PREX2: variants seen among roughly 807,000 people sequenced by gnomAD.
PREX2 encodes phosphatidylinositol-3,4,5-trisphosphate dependent Rac exchange factor 2.
A neutral mutation model predicts 203.2 loss-of-function variants in PREX2; 107 were observed. That is an observed-to-expected ratio of 0.53 (90% CI 0.45 to 0.62). The LOEUF is 0.62. Among genes scored for constraint, PREX2 ranks in the 20% least tolerant of loss-of-function variants. The pLI is 0.00. For missense variants in PREX2, 1,777 were observed against 1,955.9 expected (o/e 0.91, Z 1.72); for synonymous variants, 672 against 663.6 (o/e 1.01, Z -0.19).
At chr8:68,032,507 C>T (rs982327033) in intron 6 of PREX2, among the ~76,000 whole-genome samples, 8 of 152,118 alleles carry the variant, frequency 5.3e-5, no homozygotes, top group African/African-American at 1.9e-4. Flanking sequence ...GAGCAGGGCC[C>T]AGTCAGTGGG....
chr8:68,009,494 G>T (rs1489241324), intron 1 of PREX2, among the ~76,000 whole-genome samples: 2 of 152,008 alleles, frequency 1.3e-5, no homozygotes, highest in African/African-American at 2.4e-5. Flanking sequence ...TAAAAATAAG[G>T]CAATTTAATA....
Position 68,228,765 on chromosome 8 carries a change from C to CTAAATAAA in PREX2, c.4776-2536_4776-2529dup, listed in dbSNP as rs59480721. ...TGGACGACAGAGCGAGACTCCGTCT[C>CTAAATAAA]TAAATAAATAAATAAATAAATAAAT... On this transcript the variant is annotated intron_variant, in intron 39 of 39. Coordinates refer to ENST00000288368, the MANE Select transcript of PREX2 (RefSeq NM_024870.4). 2.6e-3 allele frequency among the ~76,000 whole-genome samples: 359 copies of CTAAATAAA among 140,670 alleles called. 1 individual carries two copies. The highest frequency in any genetic ancestry group is 3.2e-3 in the Non-Finnish European group (207 of 65,490). 92.3% of individuals were successfully genotyped at this position (140,670 alleles called of 152,430 possible).
intron 1 of PREX2, among the ~76,000 whole-genome samples, chr8:67,970,435 A>G (rs1805894693): frequency 6.6e-6 from 1 of 152,232 alleles, no homozygotes; most frequent in South Asian, 2.1e-4. Context: ...TATGCCAGCA[A>G]AAATAACCAT....
intron 37 of PREX2, among the ~76,000 whole-genome samples, chr8:68,216,437 T>C (rs139975480): frequency 6.6e-6 from 1 of 152,256 alleles, no homozygotes; most frequent in Non-Finnish European, 1.5e-5. Context: ...AATACAAATA[T>C]GTTGGAAAAA....
At chr8:68,053,769 A>G (rs7017137) in intron 9 of PREX2, among the ~76,000 whole-genome samples, 87,337 of 152,028 alleles carry the variant, frequency 0.57, 26,567 homozygotes, top group African/African-American at 0.78. Context: ...CAAACTTTTA[A>G]AAATTGTTAG....
At position 68,017,920 on chromosome 8, in the gene PREX2, G is replaced by A; in HGVS notation, c.213+3G>A. 2 of 1,609,430 alleles carry A rather than the reference G, an allele frequency of 1.2e-6. No individual in the cohort carries two copies. Among genetic ancestry groups the A allele is most frequent in the Non-Finnish European group, 1.7e-6 (2 of 1,177,070 alleles). On this transcript the variant is annotated splice_donor_region_variant and intron_variant, in intron 2 of 39. Transcript: ENST00000288368. ...ATGTGACAGAAGAAACAGTGAAGGTGAGGAGGTACAACTGGCCTTCAACCT... is the reference window on the plus strand; with the variant it reads ...ATGTGACAGAAGAAACAGTGAAGGTAAGGAGGTACAACTGGCCTTCAACCT...
intron 35 of PREX2, among the ~76,000 whole-genome samples, chr8:68,164,707 C>T (rs998567867): frequency 1.3e-5 from 2 of 151,434 alleles, no homozygotes; most frequent in African/African-American, 2.4e-5. Flanking sequence ...CTCAGCCTCC[C>T]GAGTAGCTGG....
intron 34 of PREX2, among the ~76,000 whole-genome samples, chr8:68,152,911 CT>C (rs1391164058): frequency 6.6e-6 from 1 of 152,210 alleles, no homozygotes; most frequent in Non-Finnish European, 1.5e-5. Flanking sequence ...TTTAGCTTCA[CT>C]TTCCTGTGGT....
intron 23 of PREX2, chr8:68,100,119 T>C (rs1234285367): frequency 5.3e-6 from 3 of 570,002 alleles, no homozygotes; most frequent in Non-Finnish European, 1.0e-5. Context: ...AAGATAGAGC[T>C]GGGCATTGAG....
At chr8:68,090,775 T>A in intron 20 of PREX2, 60 bp downstream of exon 20, 3 of 505,142 alleles carry the variant, frequency 5.9e-6, no homozygotes, top group Admixed American at 7.7e-5. Context: ...ACCTAAGGGG[T>A]TGAGGTGGGA....
intron 1 of PREX2, among the ~76,000 whole-genome samples, chr8:67,996,585 G>T: frequency 6.6e-6 from 1 of 151,956 alleles, no homozygotes; most frequent in East Asian, 1.9e-4. Context: ...CCCTGTCTTT[G>T]GCTCACCTAT....
intron 11 of PREX2, among the ~76,000 whole-genome samples, chr8:68,068,037 C>CA (rs1247925773): frequency 5.3e-5 from 8 of 151,916 alleles, no homozygotes; most frequent in African/African-American, 1.9e-4. Flanking sequence ...TGTGTTGAAC[C>CA]ACCCTTAGTT....
In PREX2 at chr8:68,147,461, G is replaced by C. The variant is rs185050358; in HGVS notation, c.4231+1109G>C. On this transcript the variant is annotated intron_variant, in intron 34 of 39. Transcript: ENST00000288368. ...TTGTGATAGTGAATAAGTCTCACGA[G>C]ATCTGATGGCTTTAAAAATGGAAGT... Among the ~76,000 whole-genome samples the C allele has an allele frequency of 7.6e-4, 116 of 152,240 alleles. 1 individual carries two copies. Among genetic ancestry groups the C allele is most frequent in the African/African-American group, 2.6e-3 (108 of 41,532 alleles).
intron 35 of PREX2, 130 bp from the exon 36 acceptor site, chr8:68,191,592 A>G (rs973291873): frequency 3.4e-5 from 22 of 641,814 alleles, no homozygotes; most frequent in Non-Finnish European, 5.7e-5. Context: ...TGCAACCCCA[A>G]CCTTCTAATG....
intron 1 of PREX2, among the ~76,000 whole-genome samples, chr8:67,979,429 A>G (rs1165245437): frequency 6.6e-6 from 1 of 152,184 alleles, no homozygotes; most frequent in African/African-American, 2.4e-5. Context: ...TCGCAATGAA[A>G]AAACTGTTCC....
At chr8:68,184,887 A>G (rs569773825) in intron 35 of PREX2, among the ~76,000 whole-genome samples, 2 of 152,326 alleles carry the variant, frequency 1.3e-5, no homozygotes, top group South Asian at 4.1e-4. Context: ...TGTGTGAAAA[A>G]GTGAGCATCC....
At chr8:68,116,781 G>C (rs1476599931) in intron 26 of PREX2, among the ~76,000 whole-genome samples, 1 of 152,122 alleles carries the variant, frequency 6.6e-6, no homozygotes, top group Admixed American at 6.5e-5. Flanking sequence ...CACATTCTGA[G>C]GTACTAGGGA....
At chr8:68,099,646 G>T in intron 22 of PREX2, 36 bp from the exon 23 acceptor site, 1 of 1,590,244 alleles carries the variant, frequency 6.3e-7, no homozygotes, top group South Asian at 1.1e-5. Flanking sequence ...ATGTGTGTTT[G>T]TGTGTGTGGG....
intron 13 of PREX2, among the ~76,000 whole-genome samples, chr8:68,070,578 T>C (rs1809166143): frequency 6.6e-6 from 1 of 152,132 alleles, no homozygotes. Flanking sequence ...ACTGATAGAA[T>C]GTTAAACTAA....
Sources: allele counts gnomAD v4.1 joint callset (sites outside exome capture counted in the v4.1 genomes callset), GRCh38; gene constraint gnomAD v4.1.1; transcripts MANE v1.5; gene names NCBI Gene and HGNC (gene_info 2026-07-23, HGNC 2026-07-21).